The following PTPN2 variants were observed in gnomAD, a reference collection of about 807,000 sequenced individuals.
PTPN2 encodes protein tyrosine phosphatase non-receptor type 2.
PTPN2 carries 19 observed loss-of-function variants against 57.3 expected under a neutral mutation model. The ratio of observed to expected loss-of-function variants is 0.33; its 90% CI spans 0.23 to 0.49. PTPN2 has a LOEUF of 0.49. Ranked by LOEUF, PTPN2 falls within the 20% of genes least tolerant of loss-of-function variation. The pLI is 0.99. For missense variants in PTPN2, 358 were observed against 501.1 expected (o/e 0.71, Z 2.73); for synonymous variants, 153 against 164.9 (o/e 0.93, Z 0.55).
chr18:12,840,293 GAAC>G (rs2043000283), intron 2 of PTPN2, among the ~76,000 whole-genome samples: 3 of 152,072 alleles, frequency 2.0e-5, no homozygotes, highest in Non-Finnish European at 4.4e-5. Context: ...TAAAATAGTC[GAAC>G]AACAAATATT....
downstream of PTPN2, among the ~76,000 whole-genome samples, chr18:12,789,908 TGAGAGACAGA>T (rs2040941004): frequency 6.6e-6 from 1 of 151,854 alleles, no homozygotes; most frequent in Admixed American, 6.6e-5. Context: ...ATATGTATTA[TGAGAGACAGA>T]GAGAGAGAGG....
chr18:12,806,122 A>G (rs1490380459), intron 7 of PTPN2, among the ~76,000 whole-genome samples: 2 of 152,236 alleles, frequency 1.3e-5, no homozygotes, highest in African/African-American at 2.4e-5. Context: ...AAAAATCAGT[A>G]AAGTTGCAGG....
At chr18:12,805,194 TGCCTGTAATCCCAGCACTTTGG>T (rs1336337775) in intron 7 of PTPN2, among the ~76,000 whole-genome samples, 8 of 152,118 alleles carry the variant, frequency 5.3e-5, no homozygotes, top group Admixed American at 3.3e-4. Context: ...TGGTGGTTCA[TGCCTGTAATCCCAGCACTTTGG>T]GAGGCTGAGG....
intron 1 of PTPN2, among the ~76,000 whole-genome samples, chr18:12,874,518 C>T (rs1215821701): frequency 7.6e-5 from 8 of 105,892 alleles, no homozygotes; most frequent in East Asian, 3.4e-4. Context: ...CCAGCCGCCC[C>T]GTCCGGGAGG....
chr18:12,794,125 T>C lies in PTPN2; in HGVS notation c.*153A>G, dbSNP rs966954679. ...ACCTGCAGTCAAGAGTCCTGAGATG[T>C]TGGGCTTGTGACTGTAAATATCACT... On this transcript the variant is annotated 3_prime_UTR_variant, in exon 9 of 9. Coordinates refer to ENST00000309660, the MANE Select transcript of PTPN2 (RefSeq NM_002828.4). 4 of 1,451,326 alleles carry C rather than the reference T, an allele frequency of 2.8e-6. No individual in the cohort carries two copies. The highest frequency in any genetic ancestry group is 3.6e-6 in the Non-Finnish European group (4 of 1,107,692). The allele number at this position is 1,451,326 out of a possible 1,614,324, so 89.9% of individuals were successfully genotyped here. A position where few individuals can be genotyped will look rare whatever the true frequency, so the allele number is the denominator to read the frequency against.
At chr18:12,827,322 G>A (rs543392217) in intron 4 of PTPN2, among the ~76,000 whole-genome samples, 9 of 147,290 alleles carry the variant, frequency 6.1e-5, no homozygotes, top group South Asian at 4.3e-4. Context: ...CAGCCTGGGC[G>A]ACAGAGCGAG....
chr18:12,810,810 T>C lies in PTPN2; in HGVS notation c.858+3393A>G, dbSNP rs377523344. ...AGAGGTCTCTGGACTTCATGAGTAG[T>C]GGGGTAGAACTGAAAATCCTGAGCC... is the stretch of plus-strand genomic sequence containing the variant. On this transcript the variant is annotated intron_variant, in intron 7 of 8. Coordinates refer to ENST00000309660, the MANE Select transcript of PTPN2 (RefSeq NM_002828.4). 2.2e-4 allele frequency among the ~76,000 whole-genome samples: 34 copies of C among 152,246 alleles called. 1 individual carries two copies. The highest frequency in any genetic ancestry group is 8.2e-4 in the African/African-American group (34 of 41,536).
chr18:12,869,984 T>A (rs1009351855), intron 1 of PTPN2, among the ~76,000 whole-genome samples: 2 of 152,170 alleles, frequency 1.3e-5, no homozygotes, highest in East Asian at 3.9e-4. Flanking sequence ...GCCCTTAATA[T>A]GCCTGCCACT....
chr18:12,801,289 GA>G, intron 8 of PTPN2, among the ~76,000 whole-genome samples: 1 of 152,082 alleles, frequency 6.6e-6, no homozygotes, highest in East Asian at 1.9e-4. Flanking sequence ...GAGGCGGGTG[GA>G]TGACCTGAGG....
At chr18:12,822,934 C>G (rs2042321097) in intron 5 of PTPN2, among the ~76,000 whole-genome samples, 1 of 152,162 alleles carries the variant, frequency 6.6e-6, no homozygotes, top group Non-Finnish European at 1.5e-5. Context: ...GGTACGTTAT[C>G]ACCCTCATTT....
At chr18:12,837,413 T>C (rs983857711) in intron 2 of PTPN2, among the ~76,000 whole-genome samples, 4 of 152,216 alleles carry the variant, frequency 2.6e-5, no homozygotes, top group Non-Finnish European at 5.9e-5. Flanking sequence ...AGTTGGAATA[T>C]TCCAACTGTA....
At chr18:12,786,014 TA>T in intron 9 of PTPN2, 1 of 596,202 alleles carries the variant, frequency 1.7e-6, no homozygotes, top group African/African-American at 1.9e-5. Context: ...TATCTTAGGG[TA>T]AAACGGCTGG....
chr18:12,801,938 C>T lies in PTPN2; in HGVS notation c.1040+32G>A, dbSNP rs1042862910. ...ATTTATTTTTAAAATAAAAAAGCCTCATCTTTCAGCCTGTAGTTATAGAAA... is the reference window on the plus strand; with the variant it reads ...ATTTATTTTTAAAATAAAAAAGCCTTATCTTTCAGCCTGTAGTTATAGAAA... On this transcript the variant is annotated intron_variant, in intron 8 of 8. Transcript: ENST00000309660. 3.3e-6 allele frequency: 5 copies of T among 1,525,870 alleles called. No homozygotes were observed. The African/African-American group carries it at 7.1e-5, about 22-fold the overall frequency. The allele number at this position is 1,525,870 out of a possible 1,614,324, so 94.5% of individuals were successfully genotyped here. A position where few individuals can be genotyped will look rare whatever the true frequency, so the allele number is the denominator to read the frequency against.
chr18:12,840,153 C>T (rs139122772), intron 2 of PTPN2, among the ~76,000 whole-genome samples: 3 of 152,286 alleles, frequency 2.0e-5, no homozygotes, highest in Admixed American at 6.5e-5. Flanking sequence ...AATAGTACAG[C>T]GTGAACCAGT....
intron 1 of PTPN2, among the ~76,000 whole-genome samples, chr18:12,873,548 C>T (rs1273180989): frequency 9.8e-5 from 15 of 152,338 alleles, no homozygotes; most frequent in South Asian, 2.1e-4. Flanking sequence ...CCTCGGCCTC[C>T]GGAGGTGCCG....
chr18:12,872,040 C>T (rs535929472), intron 1 of PTPN2, among the ~76,000 whole-genome samples: 2 of 140,032 alleles, frequency 1.4e-5, no homozygotes, highest in Middle Eastern at 3.5e-3. Flanking sequence ...CAGAGCAAGA[C>T]TCTGTCTCAA....
intron 1 of PTPN2, among the ~76,000 whole-genome samples, chr18:12,865,494 G>C: frequency 6.6e-6 from 1 of 150,778 alleles, no homozygotes; most frequent in Non-Finnish European, 1.5e-5. Context: ...TGTAATCCTA[G>C]CACTTTGGAA....
At chr18:12,873,752 G>A (rs1365156993) in intron 1 of PTPN2, among the ~76,000 whole-genome samples, 1 of 151,614 alleles carries the variant, frequency 6.6e-6, no homozygotes, top group South Asian at 2.1e-4. Flanking sequence ...GCCACCCATC[G>A]TCTGGGATGT....
At chr18:12,865,751 C>T (rs1357083634) in intron 1 of PTPN2, among the ~76,000 whole-genome samples, 2 of 151,896 alleles carry the variant, frequency 1.3e-5, no homozygotes, top group Non-Finnish European at 2.9e-5. Context: ...TGCTTGAACC[C>T]AGGAGGCGGA....
Sources: gnomAD v4.1 joint callset for allele counts (sites outside exome capture counted in the v4.1 genomes callset) on GRCh38, gnomAD v4.1.1 for gene constraint, MANE v1.5 for transcripts, NCBI Gene and HGNC (gene_info 2026-07-23, HGNC 2026-07-21) for gene names.